The following SLC7A11 variants were observed in gnomAD, a reference collection of about 807,000 sequenced individuals.
SLC7A11 encodes solute carrier family 7 member 11, also known as cystine/glutamate transporter.
A neutral mutation model predicts 54.5 loss-of-function variants in SLC7A11; 35 were observed. That is an observed-to-expected ratio of 0.64 (90% CI 0.49 to 0.85). The LOEUF (loss-of-function observed/expected upper bound fraction) is 0.85, where lower values mean the gene tolerates loss of function less well. Ranked by LOEUF, SLC7A11 falls within the 40% of genes least tolerant of loss-of-function variation. The pLI, the probability that SLC7A11 is intolerant of heterozygous loss-of-function variation, is 0.00. For missense variants in SLC7A11, 583 were observed against 618.1 expected, an observed-to-expected ratio of 0.94 and a Z score of 0.60; for synonymous variants, 230 against 225.2, an observed-to-expected ratio of 1.02 and a Z score of -0.19.
rs1560710405 is a variant in SLC7A11 at position 138,164,536 on chromosome 4, C to A, written c.*7420G>T. The A allele has an allele frequency of 6.6e-6, 1 of 152,150 alleles. No individual in the cohort carries two copies. Among genetic ancestry groups the A allele is most frequent in the Non-Finnish European group, 1.5e-5 (1 of 68,000 alleles). 9.4% of individuals were successfully genotyped at this position (152,150 alleles called of 1,614,324 possible). On this transcript the variant is annotated 3_prime_UTR_variant, in exon 12 of 12. Coordinates refer to ENST00000280612, the MANE Select transcript of SLC7A11 (RefSeq NM_014331.4). The stretch of plus-strand genomic sequence containing the variant: ...CAATCCACAGATGAAAGTCTCTCTG[C>A]ACCATTTATATCTTCATAGATAAAT...
chr4:138,169,187 G>A lies in SLC7A11; in HGVS notation c.*2769C>T, dbSNP rs922319883. The A allele has an allele frequency of 1.3e-5, 2 of 152,042 alleles. No individual in the cohort carries two copies. The highest frequency in any genetic ancestry group is 2.9e-5 in the Non-Finnish European group (2 of 67,988). The allele number at this position is 152,042 out of a possible 1,614,324, so 9.4% of individuals were successfully genotyped here. A position where few individuals can be genotyped will look rare whatever the true frequency, so the allele number is the denominator to read the frequency against. ...GTAAGTAGTATGTGCATGTATGTGTGTGTGTGCATATCGTATAAAAATATG... is the reference window on the plus strand; with the variant it reads ...GTAAGTAGTATGTGCATGTATGTGTATGTGTGCATATCGTATAAAAATATG... On this transcript the variant is annotated 3_prime_UTR_variant, in exon 12 of 12. Coordinates refer to ENST00000280612, the MANE Select transcript of SLC7A11 (RefSeq NM_014331.4).
At chr4:138,224,147 A>G (rs1449866961) in intron 3 of SLC7A11, among the ~76,000 whole-genome samples, 3 of 152,144 alleles carry the variant, frequency 2.0e-5, no homozygotes, top group African/African-American at 7.2e-5. Flanking sequence ...TGGCCCAGGT[A>G]ACTTAATACA....
chr4:138,188,391 A>G (rs57189069), intron 6 of SLC7A11, among the ~76,000 whole-genome samples: 2,536 of 152,244 alleles, frequency 0.017, 59 homozygotes, highest in African/African-American at 0.046. Context: ...AGCAATAGCA[A>G]GTTGGTTGGG....
Position 138,179,326 on chromosome 4 carries a change from C to G in SLC7A11, c.1335G>C (p.Ser445=). The G allele has an allele frequency of 6.2e-7, 1 of 1,612,374 alleles. No individual in the cohort carries two copies. The highest frequency in any genetic ancestry group is 8.5e-7 in the Non-Finnish European group (1 of 1,179,122). ...CLFMVALSLY[S]DPFSTGIGFV... ...AGCCAATCCCTGTACTAAATGGGTC[C>G]GAATAGAGGGAAAGGGCAACCATGA... Residue 445 remains serine (S), a synonymous_variant, in exon 11 of 12, where the codon TCG becomes TCC. Transcript: ENST00000280612.
chr4:138,242,186 G>A lies in SLC7A11; in HGVS notation c.-117C>T. The A allele has an allele frequency of 8.3e-7, 1 of 1,203,352 alleles. No individual in the cohort carries two copies. 74.5% of individuals were successfully genotyped at this position (1,203,352 alleles called of 1,614,324 possible). A position where few individuals can be genotyped will look rare whatever the true frequency, so the allele number is the denominator to read the frequency against. On this transcript the variant is annotated 5_prime_UTR_variant, in exon 1 of 12. Coordinates refer to ENST00000280612, the MANE Select transcript of SLC7A11 (RefSeq NM_014331.4). ...CTCTGCTTTCAGACTGTCTCTCTCAGCGCTATAGTGTTCACAGGTGAAAAC... is the reference window on the plus strand; with the variant it reads ...CTCTGCTTTCAGACTGTCTCTCTCAACGCTATAGTGTTCACAGGTGAAAAC...
chr4:138,223,442 G>T, intron 3 of SLC7A11, 118 bp from the exon 4 acceptor site: 3 of 1,064,206 alleles, frequency 2.8e-6, no homozygotes, highest in Non-Finnish European at 4.1e-6. Context: ...ACTTAGAAGT[G>T]TTTTAGAAAT....
In SLC7A11 at chr4:138,166,229, AAGTT is replaced by A. The variant is rs1398805862; in HGVS notation, c.*5723_*5726del. 5 of 152,302 alleles carry A rather than the reference AAGTT, an allele frequency of 3.3e-5. No homozygotes were observed. Among genetic ancestry groups the A allele is most frequent in the African/African-American group, 9.6e-5 (4 of 41,566 alleles). The allele number at this position is 152,302 out of a possible 1,614,324, so 9.4% of individuals were successfully genotyped here. Reference sequence around the variant, plus strand: ...TGTGCTTCCAAGTATGCATCTAATAAAGTTAGTTAGTAGGAAAATTTGATGTCTA... The same window carrying A: ...TGTGCTTCCAAGTATGCATCTAATAAAGTTAGTAGGAAAATTTGATGTCTA... On this transcript the variant is annotated 3_prime_UTR_variant, in exon 12 of 12. Coordinates refer to ENST00000280612, the MANE Select transcript of SLC7A11 (RefSeq NM_014331.4).
chr4:138,174,911 A>C (rs1226188381), intron 11 of SLC7A11: 3 of 152,126 alleles, frequency 2.0e-5, no homozygotes, highest in Admixed American at 2.0e-4. Context: ...ACCCAACCAT[A>C]CCTGGTACCA....
Position 138,204,526 on chromosome 4 carries a change from ATAAAATAT to A in SLC7A11, c.791+10051_791+10058del, listed in dbSNP as rs574645009. 9.9e-5 allele frequency among the ~76,000 whole-genome samples: 15 copies of A among 152,162 alleles called. No homozygotes were observed. In the South Asian group the frequency reaches 2.9e-3, roughly 29 times the overall value. On this transcript the variant is annotated intron_variant, in intron 6 of 11. Transcript: ENST00000280612. ...AGCTCCTTTTCTAGAAAAAGTAAAA[ATAAAATAT>A]TAAAATACATGATGCCAGCCACTCA...
At chr4:138,234,120 G>T (rs927277325) in intron 2 of SLC7A11, among the ~76,000 whole-genome samples, 8 of 152,082 alleles carry the variant, frequency 5.3e-5, no homozygotes, top group Admixed American at 1.3e-4. Flanking sequence ...AGCTCTAAGG[G>T]TACAAAATCA....
intron 5 of SLC7A11, among the ~76,000 whole-genome samples, chr4:138,215,765 AC>A (rs1355178948): frequency 6.7e-6 from 1 of 148,924 alleles, no homozygotes; most frequent in Non-Finnish European, 1.5e-5. Flanking sequence ...AGAAAAAAAA[AC>A]ACATGCACAC....
intron 5 of SLC7A11, among the ~76,000 whole-genome samples, chr4:138,216,918 C>T (rs1261210409): frequency 1.3e-5 from 2 of 152,094 alleles, no homozygotes; most frequent in African/African-American, 4.8e-5. Context: ...ATCTTGAAAG[C>T]GAGAGAAAGG....
In SLC7A11 at chr4:138,164,612, T is replaced by G. The variant is rs1736208883; in HGVS notation, c.*7344A>C. On this transcript the variant is annotated 3_prime_UTR_variant, in exon 12 of 12. Coordinates refer to ENST00000280612, the MANE Select transcript of SLC7A11 (RefSeq NM_014331.4). ...GTGGATGCAGAAATAAAATGCAGTT[T>G]TGCTCTTTAAGAATTTTATCAATGT... 1 of 152,146 alleles carries G rather than the reference T, an allele frequency of 6.6e-6. No individual in the cohort carries two copies. Among genetic ancestry groups the G allele is most frequent in the African/African-American group, 2.4e-5 (1 of 41,444 alleles). The allele number at this position is 152,146 out of a possible 1,614,324, so 9.4% of individuals were successfully genotyped here.
At chr4:138,184,470 G>A (rs1262608624) in intron 7 of SLC7A11, among the ~76,000 whole-genome samples, 1 of 152,052 alleles carries the variant, frequency 6.6e-6, no homozygotes, top group Non-Finnish European at 1.5e-5. Context: ...ATGATCTTTG[G>A]GGACAAAGAT....
intron 5 of SLC7A11, 54 bp downstream of exon 5, chr4:138,219,212 C>T: frequency 2.0e-6 from 2 of 980,432 alleles, no homozygotes; most frequent in Non-Finnish European, 3.3e-6. Context: ...AATCTGAGTG[C>T]ATAATGGGAT....
intron 5 of SLC7A11, 131 bp downstream of exon 5, chr4:138,219,134 AT>A: frequency 1.7e-6 from 1 of 588,570 alleles, no homozygotes; most frequent in East Asian, 2.9e-5. Context: ...CTTATTTCTC[AT>A]TTCAAGTAAA....
intron 1 of SLC7A11, among the ~76,000 whole-genome samples, chr4:138,237,464 G>C (rs889006611): frequency 2.0e-5 from 3 of 146,680 alleles, no homozygotes; most frequent in African/African-American, 7.6e-5. Flanking sequence ...CAATGGCGCT[G>C]TCAGCTCATT....
chr4:138,185,005 C>G, intron 7 of SLC7A11, 116 bp downstream of exon 7: 1 of 1,139,498 alleles, frequency 8.8e-7, no homozygotes, highest in Non-Finnish European at 1.3e-6. Flanking sequence ...CACTATTATT[C>G]AGGTCAAGAA....
At position 138,230,371 on chromosome 4, in the gene SLC7A11, T is replaced by A. The variant is rs972553751; in HGVS notation, c.520+1896A>T. Among the ~76,000 whole-genome samples, 4 of 148,768 alleles carry A rather than the reference T, an allele frequency of 2.7e-5. No individual in the cohort carries two copies. The East Asian group carries it at 7.9e-4, about 29-fold the overall frequency. On this transcript the variant is annotated intron_variant, in intron 3 of 11. Coordinates refer to ENST00000280612, the MANE Select transcript of SLC7A11 (RefSeq NM_014331.4). ...AACCCCCATGACACGAGTTTACCTA[T>A]GTAACAAACTGCACATGTACCCCTG...
Sources: gnomAD v4.1 joint callset for allele counts (sites outside exome capture counted in the v4.1 genomes callset) on GRCh38, gnomAD v4.1.1 for gene constraint, MANE v1.5 for transcripts, NCBI Gene and HGNC (gene_info 2026-07-23, HGNC 2026-07-21) for gene names.